Variants in AUTS2 observed in about 807,000 individuals in gnomAD.
AUTS2 encodes the protein activator of transcription and developmental regulator AUTS2, also known as autism susceptibility gene 2 protein.
In AUTS2, 17 loss-of-function variants were observed where a neutral mutation model predicts 112.4. That is an observed-to-expected ratio of 0.15 (90% confidence interval 0.10 to 0.23). The LOEUF (loss-of-function observed/expected upper bound fraction) is 0.23. Among genes scored for constraint, AUTS2 ranks in the 10% least tolerant of loss-of-function variants. The pLI is 1.00. For missense variants in AUTS2, 1,510 were observed against 1,701.6 expected, an observed-to-expected ratio of 0.89 and a Z score of 1.98; for synonymous variants, 751 against 702.7, an observed-to-expected ratio of 1.07 and a Z score of -1.09.
chr7:69,746,264 A>G (rs1442468936), intron 1 of AUTS2, among the ~76,000 whole-genome samples: 2 of 152,160 alleles, frequency 1.3e-5, no homozygotes, highest in African/African-American at 4.8e-5. Flanking sequence ...CATTGAGTAT[A>G]TGGTTATGGA....
At chr7:70,163,070 G>A (rs553734517) in intron 4 of AUTS2, among the ~76,000 whole-genome samples, 4 of 152,074 alleles carry the variant, frequency 2.6e-5, no homozygotes, top group African/African-American at 9.6e-5. Context: ...GACAGGGAGG[G>A]CTGGCTAGGC....
At position 70,215,198 on chromosome 7, in the gene AUTS2, G is replaced by A. The variant is rs145895053; in HGVS notation, c.660+80627G>A. Among the ~76,000 whole-genome samples, 618 of 152,246 alleles carry A rather than the reference G, an allele frequency of 4.1e-3. 5 individuals carry two copies. The highest frequency in any genetic ancestry group is 0.014 in the African/African-American group (573 of 41,560). On this transcript the variant is annotated intron_variant, in intron 4 of 18. Coordinates refer to ENST00000342771, the MANE Select transcript of AUTS2 (RefSeq NM_015570.4). ...TCAGGAGGCTGAGAGGAGAATCACT[G>A]GAGTCCAGGAGTTTGAGGCTGCAGT...
chr7:70,050,722 C>T lies in AUTS2; in HGVS notation c.523-67410C>T, dbSNP rs535453728. 5.9e-5 allele frequency among the ~76,000 whole-genome samples: 9 copies of T among 152,254 alleles called. No homozygotes were observed. The East Asian group carries it at 7.7e-4, about 13-fold the overall frequency. On this transcript the variant is annotated intron_variant, in intron 2 of 18. Coordinates refer to ENST00000342771, the MANE Select transcript of AUTS2 (RefSeq NM_015570.4). ...TTAAATAGCTAATTGAAGCCAGGCGCGGTGGCTCATGCCTGTAATTCCAGC... is the reference window on the plus strand; with the variant it reads ...TTAAATAGCTAATTGAAGCCAGGCGTGGTGGCTCATGCCTGTAATTCCAGC...
chr7:69,978,898 A>G lies in AUTS2; in HGVS notation c.522+79400A>G, dbSNP rs557775535. Among the ~76,000 whole-genome samples, 1,197 of 141,844 alleles carry G rather than the reference A, an allele frequency of 8.4e-3. 12 individuals are homozygous for G. The highest frequency in any genetic ancestry group is 0.028 in the Middle Eastern group (8 of 284). The allele number at this position is 141,844 out of a possible 152,430, so 93.1% of individuals were successfully genotyped here. On this transcript the variant is annotated intron_variant, in intron 2 of 18. Transcript: ENST00000342771. Reference sequence around the variant, plus strand: ...CACACACACACACACACACACACACACACGCACACACGCACACACACACGC... The same window carrying G: ...CACACACACACACACACACACACACGCACGCACACACGCACACACACACGC...
chr7:69,839,521 A>G (rs1265306413), intron 1 of AUTS2, among the ~76,000 whole-genome samples: 3 of 152,162 alleles, frequency 2.0e-5, no homozygotes. Context: ...TATCTCTCCA[A>G]GTAATGGAAT....
At chr7:69,637,067 T>C (rs911548695) in intron 1 of AUTS2, among the ~76,000 whole-genome samples, 4 of 152,146 alleles carry the variant, frequency 2.6e-5, no homozygotes, top group Non-Finnish European at 5.9e-5. Context: ...GCCCGGCCTG[T>C]CCTATAACAT....
intron 1 of AUTS2, among the ~76,000 whole-genome samples, chr7:69,834,426 G>A (rs1334961268): frequency 6.6e-6 from 1 of 152,158 alleles, no homozygotes; most frequent in Admixed American, 6.6e-5. Context: ...GAGCTCCTGA[G>A]CCACCCTTAG....
In AUTS2 at chr7:70,733,065, G is replaced by A. The variant is rs537840492; in HGVS notation, c.743-29805G>A. On this transcript the variant is annotated intron_variant, in intron 6 of 18. Coordinates refer to ENST00000342771, the MANE Select transcript of AUTS2 (RefSeq NM_015570.4). Reference sequence around the variant, plus strand: ...AAAACTCAGTATTGTGCATTTGGTAGGAATTGGTTTATACACCATTCAAGA... The same window carrying A: ...AAAACTCAGTATTGTGCATTTGGTAAGAATTGGTTTATACACCATTCAAGA... Among the ~76,000 whole-genome samples the A allele has an allele frequency of 2.2e-4, 33 of 152,282 alleles. No individual in the cohort carries two copies. In the South Asian group the frequency reaches 6.2e-3, roughly 29 times the overall value.
chr7:70,315,971 C>G (rs1320360807), intron 4 of AUTS2, among the ~76,000 whole-genome samples: 1 of 152,158 alleles, frequency 6.6e-6, no homozygotes, highest in African/African-American at 2.4e-5. Context: ...TTTCCAATCC[C>G]TTATTAACTT....
At chr7:69,791,484 G>A (rs1219115037) in intron 1 of AUTS2, among the ~76,000 whole-genome samples, 2 of 152,190 alleles carry the variant, frequency 1.3e-5, no homozygotes, top group Non-Finnish European at 2.9e-5. Context: ...TGGCCTCTTT[G>A]TGGAGTGCAG....
At chr7:69,709,308 C>T (rs1798208039) in intron 1 of AUTS2, among the ~76,000 whole-genome samples, 1 of 152,168 alleles carries the variant, frequency 6.6e-6, no homozygotes, top group Admixed American at 6.5e-5. Context: ...ATGTGAATCA[C>T]AGAAAGGGAC....
At chr7:70,397,794 T>G (rs1794154123) in intron 4 of AUTS2, among the ~76,000 whole-genome samples, 1 of 152,150 alleles carries the variant, frequency 6.6e-6, no homozygotes, top group South Asian at 2.1e-4. Context: ...TTTATTCTTT[T>G]ATGTGTTGTG....
chr7:70,673,096 G>A (rs1360781605), intron 5 of AUTS2, among the ~76,000 whole-genome samples: 1 of 152,198 alleles, frequency 6.6e-6, no homozygotes, highest in African/African-American at 2.4e-5. Context: ...GAAACTGGCT[G>A]GCTGGTAACA....
intron 10 of AUTS2, chr7:70,771,211 C>A: frequency 5.9e-6 from 1 of 169,720 alleles, no homozygotes; most frequent in Non-Finnish European, 1.2e-5. Flanking sequence ...TCTTATTTGG[C>A]TCAGGATCCC....
chr7:70,460,920 T>C (rs1344593440), intron 5 of AUTS2, among the ~76,000 whole-genome samples: 1 of 152,170 alleles, frequency 6.6e-6, no homozygotes, highest in African/African-American at 2.4e-5. Flanking sequence ...AATGGGATGG[T>C]ATGCCCCAGA....
intron 2 of AUTS2, among the ~76,000 whole-genome samples, chr7:69,980,029 AT>A (rs760683475): frequency 2.6e-5 from 4 of 152,144 alleles, no homozygotes; most frequent in African/African-American, 7.2e-5. Flanking sequence ...CTAAGCTTCT[AT>A]CCCTTCTCTT....
intron 4 of AUTS2, among the ~76,000 whole-genome samples, chr7:70,420,717 T>C (rs919039634): frequency 3.3e-5 from 5 of 152,318 alleles, no homozygotes; most frequent in Admixed American, 6.5e-5. Flanking sequence ...GTTCCATTTA[T>C]GTAAAATTTT....
intron 5 of AUTS2, among the ~76,000 whole-genome samples, chr7:70,507,559 G>A (rs575663302): frequency 6.6e-6 from 1 of 152,102 alleles, no homozygotes; most frequent in South Asian, 2.1e-4. Context: ...CACTTTGGGA[G>A]ACTGAGGTGG....
At chr7:70,417,154 T>C (rs1379155278) in intron 4 of AUTS2, among the ~76,000 whole-genome samples, 1 of 152,140 alleles carries the variant, frequency 6.6e-6, no homozygotes, top group African/African-American at 2.4e-5. Context: ...ACATTTCCAA[T>C]GATTAAAATG....
Sources: allele counts gnomAD v4.1 joint callset (sites outside exome capture counted in the v4.1 genomes callset), GRCh38; gene constraint gnomAD v4.1.1; transcripts MANE v1.5; gene names NCBI Gene and HGNC (gene_info 2026-07-23, HGNC 2026-07-21).